Variants in SLC9A9 observed in about 807,000 individuals in gnomAD.
SLC9A9 encodes sodium/hydrogen exchanger 9.
In SLC9A9, 62 loss-of-function variants were observed where a neutral mutation model predicts 77.8. That is an observed-to-expected ratio of 0.80 (90% CI 0.65 to 0.98). The LOEUF is 0.98. Among genes scored for constraint, SLC9A9 ranks in the 50% least tolerant of loss-of-function variants. SLC9A9 has a pLI of 0.00. For synonymous variants in SLC9A9, 320 were observed against 283.5 expected (o/e 1.13, Z -1.29); for missense variants, 775 against 774.9 (o/e 1.00, Z 0.00).
rs1444767677 is a variant in SLC9A9, at chr3:143,709,167, T to C, written c.534-15860A>G. ...AATTCTTCTACTATGTATTGCTATA[T>C]TGTATAATTTAGTGATCTCAAATTC... On this transcript the variant is annotated intron_variant, in intron 4 of 15. Transcript: ENST00000316549. 2.0e-5 allele frequency among the ~76,000 whole-genome samples: 3 copies of C among 152,208 alleles called. No homozygotes were observed. In the South Asian group the frequency reaches 6.2e-4, roughly 31 times the overall value.
At chr3:143,304,832 C>T (rs2030705902) in intron 14 of SLC9A9, among the ~76,000 whole-genome samples, 1 of 152,172 alleles carries the variant, frequency 6.6e-6, no homozygotes, top group Non-Finnish European at 1.5e-5. Flanking sequence ...AGTCTTGACA[C>T]ATGGCTCTGT....
intron 8 of SLC9A9, among the ~76,000 whole-genome samples, chr3:143,554,383 CA>C (rs1444275943): frequency 3.3e-5 from 5 of 152,130 alleles, no homozygotes; most frequent in African/African-American, 4.8e-5. Context: ...TTTTGCTGCC[CA>C]GGGGGAAACT....
At chr3:143,493,508 T>C (rs2035782272) in intron 11 of SLC9A9, 145 bp downstream of exon 11, 1 of 697,440 alleles carries the variant, frequency 1.4e-6, no homozygotes. Context: ...TGCTCAGCAC[T>C]TACGGAGAAT....
chr3:143,417,564 T>C (rs776344373), intron 12 of SLC9A9, among the ~76,000 whole-genome samples: 1 of 149,220 alleles, frequency 6.7e-6, no homozygotes, highest in African/African-American at 2.5e-5. Flanking sequence ...GAAAAAGGGA[T>C]GGATGGAGAG....
chr3:143,802,955 G>A (rs972655732), intron 2 of SLC9A9, among the ~76,000 whole-genome samples: 7 of 152,096 alleles, frequency 4.6e-5, no homozygotes, highest in African/African-American at 1.4e-4. Flanking sequence ...TCCTCCAGCA[G>A]GCTAGACAGG....
chr3:143,380,073 A>G (rs1402020268), intron 13 of SLC9A9, among the ~76,000 whole-genome samples: 3 of 152,182 alleles, frequency 2.0e-5, no homozygotes, highest in African/African-American at 7.2e-5. Flanking sequence ...TATCATTTAC[A>G]TTTTATAGAG....
intron 12 of SLC9A9, among the ~76,000 whole-genome samples, chr3:143,402,321 A>C (rs2033880054): frequency 6.6e-6 from 1 of 152,200 alleles, no homozygotes; most frequent in South Asian, 2.1e-4. Flanking sequence ...AAATTATTGG[A>C]ATATACTTAT....
At chr3:143,346,029 T>C (rs191611169) in intron 14 of SLC9A9, among the ~76,000 whole-genome samples, 1 of 152,100 alleles carries the variant, frequency 6.6e-6, no homozygotes, top group East Asian at 1.9e-4. Flanking sequence ...ATTTTTTTTT[T>C]AATTAAGCTA....
At chr3:143,525,547 C>T (rs532520152) in intron 9 of SLC9A9, among the ~76,000 whole-genome samples, 12 of 152,192 alleles carry the variant, frequency 7.9e-5, no homozygotes, top group South Asian at 6.2e-4. Context: ...AGCTGCCCTT[C>T]GCTCCATGTG....
At chr3:143,385,969 C>T (rs180907919) in intron 12 of SLC9A9, among the ~76,000 whole-genome samples, 32 of 152,292 alleles carry the variant, frequency 2.1e-4, no homozygotes, top group African/African-American at 7.5e-4. Context: ...CCCCCTCCCT[C>T]CAAACTCCAG....
intron 13 of SLC9A9, among the ~76,000 whole-genome samples, chr3:143,367,701 A>G (rs903543123): frequency 6.6e-6 from 1 of 152,230 alleles, no homozygotes; most frequent in Non-Finnish European, 1.5e-5. Flanking sequence ...GACAGCAGGT[A>G]GCATCAATCT....
At chr3:143,424,525 C>T (rs1412663881) in intron 12 of SLC9A9, among the ~76,000 whole-genome samples, 1 of 151,822 alleles carries the variant, frequency 6.6e-6, no homozygotes, top group Non-Finnish European at 1.5e-5. Context: ...GATCCACCTG[C>T]CTCCGCCTCC....
chr3:143,382,293 C>T (rs2033324033), intron 12 of SLC9A9, 179 bp from the exon 13 acceptor site: 5 of 673,902 alleles, frequency 7.4e-6, no homozygotes, highest in Non-Finnish European at 1.3e-5. Flanking sequence ...AGAACTTGAA[C>T]AGCTGGGCCT....
In SLC9A9 at chr3:143,727,425, T is replaced by C. The variant is rs76048329; in HGVS notation, c.534-34118A>G. ...ATCAATAGAACCCATTCCAATGACC[T>C]GGTGCACTGTCCCCTTTGAATTACA... On this transcript the variant is annotated intron_variant, in intron 4 of 15. Transcript: ENST00000316549. 8.6e-3 allele frequency among the ~76,000 whole-genome samples: 1,304 copies of C among 152,276 alleles called. 24 individuals carry two copies. The highest frequency in any genetic ancestry group is 0.03 in the African/African-American group (1,248 of 41,554).
At chr3:143,813,077 C>T (rs1003720799) in intron 2 of SLC9A9, among the ~76,000 whole-genome samples, 7 of 150,972 alleles carry the variant, frequency 4.6e-5, no homozygotes, top group East Asian at 1.9e-4. Context: ...TTCTGTGTAC[C>T]GAGTAAGGGA....
intron 14 of SLC9A9, among the ~76,000 whole-genome samples, chr3:143,337,852 TTGG>T (rs2031975367): frequency 6.6e-6 from 1 of 152,166 alleles, no homozygotes; most frequent in African/African-American, 2.4e-5. Context: ...GTGTCCTTTG[TTGG>T]TGGAAGAGCA....
intron 1 of SLC9A9, among the ~76,000 whole-genome samples, chr3:143,838,770 T>C (rs1183202612): frequency 6.6e-6 from 1 of 152,166 alleles, no homozygotes; most frequent in Non-Finnish European, 1.5e-5. Context: ...TAAAAAATTA[T>C]GAACTAGGGA....
chr3:143,381,441 G>C (rs1379962229), intron 13 of SLC9A9: 4 of 154,416 alleles, frequency 2.6e-5, no homozygotes, highest in African/African-American at 4.8e-5. Context: ...CCAGCCATGT[G>C]GAACTGTAAG....
intron 6 of SLC9A9, among the ~76,000 whole-genome samples, chr3:143,626,533 G>A (rs553973335): frequency 2.8e-4 from 43 of 151,554 alleles, no homozygotes; most frequent in East Asian, 7.8e-4. Flanking sequence ...ACCAAACACC[G>A]CATGTTCTCA....
Sources: gnomAD v4.1 joint callset for allele counts (sites outside exome capture counted in the v4.1 genomes callset) on GRCh38, gnomAD v4.1.1 for gene constraint, MANE v1.5 for transcripts, NCBI Gene and HGNC (gene_info 2026-07-23, HGNC 2026-07-21) for gene names.